The following GRIA4 variants were observed in gnomAD, a reference collection of about 807,000 sequenced individuals.
GRIA4 encodes glutamate receptor 4.
GRIA4 carries 34 observed loss-of-function variants against 104.0 expected under a neutral mutation model. The observed-to-expected ratio is 0.33, with a 90% CI of 0.25 to 0.44. The LOEUF is 0.44. GRIA4 is among the 20% of genes least tolerant of loss of function. The pLI, the probability that GRIA4 is intolerant of heterozygous loss-of-function variation, is 1.00. For missense variants in GRIA4, 750 were observed against 1,096.5 expected (o/e 0.68, Z 4.46); for synonymous variants, 386 against 381.9 (o/e 1.01, Z -0.13).
chr11:105,830,067 T>C (rs1167316700), intron 4 of GRIA4, among the ~76,000 whole-genome samples: 1 of 152,038 alleles, frequency 6.6e-6, no homozygotes, highest in Non-Finnish European at 1.5e-5. Context: ...TGATTCTCTA[T>C]TGCCTGCTGC....
chr11:105,682,338 G>A (rs1459876256), intron 3 of GRIA4, among the ~76,000 whole-genome samples: 2 of 151,916 alleles, frequency 1.3e-5, no homozygotes, highest in Admixed American at 6.6e-5. Flanking sequence ...CTTCCACCTC[G>A]GCCTCCCAAG....
At chr11:105,893,578 A>G (rs1446745665) in intron 6 of GRIA4, among the ~76,000 whole-genome samples, 1 of 152,166 alleles carries the variant, frequency 6.6e-6, no homozygotes, top group Non-Finnish European at 1.5e-5. Context: ...CTTTACTTTC[A>G]GCATAAGAAC....
chr11:105,653,944 A>G (rs1951755356), intron 3 of GRIA4, among the ~76,000 whole-genome samples: 1 of 148,968 alleles, frequency 6.7e-6, no homozygotes, highest in Non-Finnish European at 1.5e-5. Context: ...AAATAAGAAC[A>G]GTAAAAACAA....
At chr11:105,673,043 T>C (rs911860987) in intron 3 of GRIA4, among the ~76,000 whole-genome samples, 7 of 152,126 alleles carry the variant, frequency 4.6e-5, no homozygotes, top group Non-Finnish European at 1.0e-4. Context: ...ACCTATTCCC[T>C]ATGCTCTTAG....
At chr11:105,967,586 C>T (rs1858452884) in intron 14 of GRIA4, among the ~76,000 whole-genome samples, 1 of 151,812 alleles carries the variant, frequency 6.6e-6, no homozygotes, top group Non-Finnish European at 1.5e-5. Context: ...AGAATGAACG[C>T]TATTTCAAAT....
At chr11:105,902,357 G>C (rs1394097736) in intron 7 of GRIA4, among the ~76,000 whole-genome samples, 1 of 150,888 alleles carries the variant, frequency 6.6e-6, no homozygotes, top group African/African-American at 2.4e-5. Context: ...CTGAGACAGG[G>C]TCTTTATCTG....
chr11:105,926,490 T>C (rs1257267127), intron 12 of GRIA4, among the ~76,000 whole-genome samples: 1 of 152,128 alleles, frequency 6.6e-6, no homozygotes, highest in Non-Finnish European at 1.5e-5. Flanking sequence ...AGTTTTACAT[T>C]TCTGCCATTT....
chr11:105,676,993 A>G (rs974194484), intron 3 of GRIA4, among the ~76,000 whole-genome samples: 2 of 151,842 alleles, frequency 1.3e-5, no homozygotes, highest in African/African-American at 2.4e-5. Context: ...AAAAAGAAAA[A>G]CATGCATTCC....
chr11:105,792,360 A>T (rs1942251634), intron 4 of GRIA4, among the ~76,000 whole-genome samples: 2 of 152,196 alleles, frequency 1.3e-5, no homozygotes. Flanking sequence ...TTTGCCTAAA[A>T]GCATTGTATA....
chr11:105,892,716 T>G (rs983243955), intron 6 of GRIA4, among the ~76,000 whole-genome samples: 1 of 152,198 alleles, frequency 6.6e-6, no homozygotes, highest in Non-Finnish European at 1.5e-5. Context: ...TTTTCTGCAT[T>G]GAGCATGTCT....
intron 3 of GRIA4, among the ~76,000 whole-genome samples, chr11:105,680,543 T>C (rs1328496173): frequency 2.6e-5 from 4 of 152,116 alleles, no homozygotes; most frequent in South Asian, 2.1e-4. Flanking sequence ...TATGGGCCAA[T>C]TGGCACACTT....
chr11:105,635,213 C>A (rs1277824479), intron 3 of GRIA4, among the ~76,000 whole-genome samples: 1 of 151,944 alleles, frequency 6.6e-6, no homozygotes, highest in Non-Finnish European at 1.5e-5. Context: ...CCTTGGAATA[C>A]AAAATGGTAC....
At chr11:105,863,391 A>ATAT (rs1945296967) in intron 5 of GRIA4, among the ~76,000 whole-genome samples, 3 of 148,790 alleles carry the variant, frequency 2.0e-5, no homozygotes, top group African/African-American at 4.9e-5. Flanking sequence ...GAAAAAGCTA[A>ATAT]ATATATATAT....
intron 4 of GRIA4, 136 bp downstream of exon 4, chr11:105,753,356 A>G (rs1382487274): frequency 5.0e-6 from 4 of 796,566 alleles, no homozygotes; most frequent in Admixed American, 4.8e-5. Context: ...GTGTATTTTT[A>G]TCTTGACTCT....
intron 14 of GRIA4, among the ~76,000 whole-genome samples, chr11:105,967,069 G>A (rs1353898317): frequency 6.6e-6 from 1 of 152,026 alleles, no homozygotes; most frequent in Non-Finnish European, 1.5e-5. Flanking sequence ...TATACTAATA[G>A]CCTAGCATTC....
intron 3 of GRIA4, among the ~76,000 whole-genome samples, chr11:105,633,717 A>G (rs17104344): frequency 0.021 from 3,140 of 152,292 alleles, 91 homozygotes; most frequent in African/African-American, 0.065. Flanking sequence ...TAAGACCTGT[A>G]TTTCAGACTT....
chr11:105,929,937 A>G (rs1215355982), intron 13 of GRIA4, among the ~76,000 whole-genome samples: 2 of 152,164 alleles, frequency 1.3e-5, no homozygotes, highest in African/African-American at 4.8e-5. Flanking sequence ...TTCACAATAA[A>G]GATGAAATAA....
intron 4 of GRIA4, among the ~76,000 whole-genome samples, chr11:105,861,649 A>C (rs1196034639): frequency 6.6e-6 from 1 of 152,222 alleles, no homozygotes; most frequent in Non-Finnish European, 1.5e-5. Context: ...CAGTTGTTCA[A>C]AATGAGTTCC....
intron 14 of GRIA4, among the ~76,000 whole-genome samples, chr11:105,947,051 G>A (rs1211577201): frequency 6.6e-6 from 1 of 152,122 alleles, no homozygotes; most frequent in African/African-American, 2.4e-5. Context: ...GAACAATAGT[G>A]GCTATGTGAT....
Sources: allele counts gnomAD v4.1 joint callset (sites outside exome capture counted in the v4.1 genomes callset), GRCh38; gene constraint gnomAD v4.1.1; transcripts MANE v1.5; gene names NCBI Gene and HGNC (gene_info 2026-07-23, HGNC 2026-07-21).